The following ZDHHC21 variants were observed in gnomAD, a reference collection of about 807,000 sequenced individuals.
The protein encoded by ZDHHC21 is zDHHC palmitoyltransferase 21.
ZDHHC21 carries 15 observed loss-of-function variants against 34.6 expected under a neutral mutation model. The ratio of observed to expected loss-of-function variants is 0.43; its 90% CI spans 0.29 to 0.67. The LOEUF is 0.67. ZDHHC21 is among the 30% of genes least tolerant of loss of function. The probability of loss-of-function intolerance (pLI) is 0.14; values close to 1 mark genes in which losing one functional copy is unlikely to be tolerated. For synonymous variants in ZDHHC21, 142 were observed against 101.8 expected, an observed-to-expected ratio of 1.40 and a Z score of -2.38; for missense variants, 344 against 327.7, an observed-to-expected ratio of 1.05 and a Z score of -0.38.
chr9:14,632,876 A>T (rs563750881), intron 8 of ZDHHC21, among the ~76,000 whole-genome samples: 1 of 152,316 alleles, frequency 6.6e-6, no homozygotes, highest in East Asian at 1.9e-4. Flanking sequence ...AATTAAAACT[A>T]TGATGAGGTA....
chr9:14,658,848 A>G lies in ZDHHC21; in HGVS notation c.405T>C (p.Phe135=). ...NCVGEDNHWL[F]LQLCFYTELL... Reference sequence around the variant, plus strand: ...GTTCAGTGTAGAAACACAACTGCAGAAAGAGCCAATGATTATCTTCACCAA... The same window carrying G: ...GTTCAGTGTAGAAACACAACTGCAGGAAGAGCCAATGATTATCTTCACCAA... Residue 135 remains phenylalanine (F), a synonymous_variant, in exon 7 of 10, where the codon TTT becomes TTC. Coordinates refer to ENST00000380916, the MANE Select transcript of ZDHHC21 (RefSeq NM_178566.6). 1.2e-6 allele frequency: 2 copies of G among 1,613,512 alleles called. No homozygotes were observed. Among genetic ancestry groups the G allele is most frequent in the Admixed American group, 1.7e-5 (1 of 60,008 alleles).
At chr9:14,651,716 G>GT (rs532978837) in intron 7 of ZDHHC21, among the ~76,000 whole-genome samples, 1 of 151,978 alleles carries the variant, frequency 6.6e-6, no homozygotes, top group South Asian at 2.1e-4. Context: ...ATTGAAAACC[G>GT]TAATTTTCTA....
At chr9:14,627,605 T>C (rs1016050460) in intron 8 of ZDHHC21, among the ~76,000 whole-genome samples, 2 of 152,128 alleles carry the variant, frequency 1.3e-5, no homozygotes, top group African/African-American at 4.8e-5. Flanking sequence ...GCTTACACTA[T>C]TATATAAACT....
At chr9:14,687,845 A>G (rs56156786) in intron 2 of ZDHHC21, among the ~76,000 whole-genome samples, 4,416 of 151,028 alleles carry the variant, frequency 0.029, 582 homozygotes, top group African/African-American at 0.1. Context: ...TTTCAAACAT[A>G]CCAATTTTTT....
At chr9:14,690,257 T>C (rs944540478) in intron 2 of ZDHHC21, 80 bp downstream of exon 2, 2 of 430,342 alleles carry the variant, frequency 4.6e-6, no homozygotes, top group Non-Finnish European at 4.6e-6. Flanking sequence ...GAAGACTAAA[T>C]TAGATTTCCT....
Position 14,615,903 on chromosome 9 carries a change from A to G in ZDHHC21, c.*3063T>C, listed in dbSNP as rs1473342624. 6.6e-6 allele frequency: 1 copy of G among 151,734 alleles called. No individual in the cohort carries two copies. The highest frequency in any genetic ancestry group is 1.5e-5 in the Non-Finnish European group (1 of 67,764). 9.4% of individuals were successfully genotyped at this position (151,734 alleles called of 1,614,324 possible). On this transcript the variant is annotated 3_prime_UTR_variant, in exon 10 of 10. Coordinates refer to ENST00000380916, the MANE Select transcript of ZDHHC21 (RefSeq NM_178566.6). ...TACTTCAGTCCAACATACATATTACATCAGTAATCTTACTGCTCACAATTA... is the reference window on the plus strand; with the variant it reads ...TACTTCAGTCCAACATACATATTACGTCAGTAATCTTACTGCTCACAATTA...
intron 7 of ZDHHC21, among the ~76,000 whole-genome samples, chr9:14,658,035 A>G (rs1224346478): frequency 6.6e-6 from 1 of 152,188 alleles, no homozygotes; most frequent in East Asian, 1.9e-4. Flanking sequence ...CTGCAAATTC[A>G]TGATATCATT....
chr9:14,677,717 C>T (rs1836673527), intron 3 of ZDHHC21, among the ~76,000 whole-genome samples: 1 of 152,042 alleles, frequency 6.6e-6, no homozygotes, highest in Non-Finnish European at 1.5e-5. Flanking sequence ...TAAATTACTA[C>T]AGCACAAACT....
chr9:14,681,640 T>C (rs1414048369), intron 2 of ZDHHC21, among the ~76,000 whole-genome samples: 1 of 151,970 alleles, frequency 6.6e-6, no homozygotes, highest in East Asian at 1.9e-4. Context: ...ATTGACTACA[T>C]GCAACTAGGT....
intron 8 of ZDHHC21, among the ~76,000 whole-genome samples, chr9:14,639,687 T>C (rs560655643): frequency 6.6e-6 from 1 of 151,124 alleles, no homozygotes; most frequent in East Asian, 1.9e-4. Flanking sequence ...AAAAACACTG[T>C]ATTTGTTAGC....
intron 7 of ZDHHC21, among the ~76,000 whole-genome samples, chr9:14,654,877 G>C (rs894723870): frequency 1.3e-5 from 2 of 151,916 alleles, no homozygotes; most frequent in Admixed American, 6.6e-5. Context: ...AGCACAATGA[G>C]ACTTCACGTA....
Position 14,662,272 on chromosome 9 carries a change from G to C in ZDHHC21, c.308C>G (p.Ser103Cys), listed in dbSNP as rs757696493. Residue 103 changes from serine to cysteine, a missense_variant, in exon 6 of 10, where the codon TCC becomes TGC. Physicochemically the swap from Ser to Cys is moderately radical, Grantham distance 112. Transcript: ENST00000380916. The stretch of plus-strand genomic sequence containing the variant: ...GTGGCCGCAGCGGCTACAGTGATGG[G>C]AACGCTTTGGTCTCATCAAATTACA... ...NKCNLMRPKR[S>C]HHCSRCGHCV... 6.2e-7 allele frequency: 1 copy of C among 1,612,998 alleles called. No individual in the cohort carries two copies. Among genetic ancestry groups the C allele is most frequent in the Non-Finnish European group, 8.5e-7 (1 of 1,179,610 alleles).
chr9:14,675,066 T>C (rs1489948784), intron 3 of ZDHHC21, among the ~76,000 whole-genome samples: 2 of 151,972 alleles, frequency 1.3e-5, no homozygotes, highest in Non-Finnish European at 2.9e-5. Context: ...CCAAAAATAC[T>C]AAAATTCATA....
chr9:14,626,921 T>G (rs1173814749), intron 8 of ZDHHC21, among the ~76,000 whole-genome samples: 1 of 152,106 alleles, frequency 6.6e-6, no homozygotes, highest in Non-Finnish European at 1.5e-5. Flanking sequence ...TTATTTTATT[T>G]TTATCAAGCA....
At chr9:14,660,694 C>T (rs2133932026) in intron 6 of ZDHHC21, among the ~76,000 whole-genome samples, 1 of 152,174 alleles carries the variant, frequency 6.6e-6, no homozygotes, top group East Asian at 1.9e-4. Context: ...TTGACTAAAA[C>T]TATGGAAGCA....
chr9:14,670,085 G>C (rs1835185726), intron 5 of ZDHHC21, among the ~76,000 whole-genome samples: 1 of 150,402 alleles, frequency 6.6e-6, no homozygotes, highest in Non-Finnish European at 1.5e-5. Flanking sequence ...ATATAGACAG[G>C]AAGGAGGCGC....
the ZDHHC21 span, among the ~76,000 whole-genome samples, chr9:14,604,815 C>G: frequency 1.4e-4 from 22 of 152,072 alleles, no homozygotes; most frequent in Non-Finnish European, 2.1e-4. Context: ...TACAACAGAG[C>G]TCTAGAACTT....
intron 1 of ZDHHC21, among the ~76,000 whole-genome samples, chr9:14,691,692 A>G (rs956350142): frequency 3.3e-5 from 5 of 152,214 alleles, no homozygotes; most frequent in African/African-American, 1.2e-4. Flanking sequence ...CTTCTCAAGT[A>G]TGTTAACAGA....
At chr9:14,684,076 C>A (rs1837868001) in intron 2 of ZDHHC21, among the ~76,000 whole-genome samples, 1 of 152,086 alleles carries the variant, frequency 6.6e-6, no homozygotes, top group African/African-American at 2.4e-5. Flanking sequence ...CTATTTATGA[C>A]AAACCCACAG....
Sources: allele counts gnomAD v4.1 joint callset (sites outside exome capture counted in the v4.1 genomes callset), GRCh38; gene constraint gnomAD v4.1.1; transcripts MANE v1.5; gene names NCBI Gene and HGNC (gene_info 2026-07-23, HGNC 2026-07-21).